The following LYN variants were observed in gnomAD, a reference collection of about 807,000 sequenced individuals.
The protein encoded by LYN is LYN proto-oncogene, Src family tyrosine kinase.
A neutral mutation model predicts 65.0 loss-of-function variants in LYN; 12 were observed. The ratio of observed to expected loss-of-function variants is 0.18; its 90% CI spans 0.12 to 0.30. LYN has a LOEUF of 0.30. Among genes scored for constraint, LYN ranks in the 10% least tolerant of loss-of-function variants. The pLI, the probability that LYN is intolerant of heterozygous loss-of-function variation, is 1.00. For missense variants in LYN, 380 were observed against 623.2 expected (o/e 0.61, Z 4.16); for synonymous variants, 222 against 221.2 (o/e 1.00, Z -0.03).
intron 12 of LYN, among the ~76,000 whole-genome samples, chr8:56,001,909 A>C (rs1457669169): frequency 3.3e-5 from 5 of 152,156 alleles, no homozygotes; most frequent in Admixed American, 2.6e-4. Context: ...CCCCAGATCC[A>C]TGTGCCTCCC....
chr8:55,973,615 T>C (rs536431592), intron 10 of LYN, among the ~76,000 whole-genome samples: 27 of 152,286 alleles, frequency 1.8e-4, no homozygotes, highest in South Asian at 6.2e-4. Flanking sequence ...CATGTCAAAC[T>C]GAGAGGAAAG....
At chr8:55,935,066 C>T (rs529991244) in intron 1 of LYN, among the ~76,000 whole-genome samples, 4 of 152,164 alleles carry the variant, frequency 2.6e-5, no homozygotes, top group African/African-American at 7.2e-5. Context: ...CTAGAGGTGA[C>T]GCCCACACCA....
At chr8:55,902,830 T>C (rs1331641439) in intron 1 of LYN, 1 of 491,710 alleles carries the variant, frequency 2.0e-6, no homozygotes, top group Non-Finnish European at 4.0e-6. Context: ...TGATCAACAG[T>C]GCCCATTCTC....
intron 12 of LYN, among the ~76,000 whole-genome samples, chr8:56,002,602 C>CT (rs1808547653): frequency 7.6e-6 from 1 of 131,584 alleles, no homozygotes; most frequent in African/African-American, 3.6e-5. Context: ...GACTCCATCT[C>CT]AAAAATTAAA....
intron 1 of LYN, among the ~76,000 whole-genome samples, chr8:55,934,304 C>T (rs1391420096): frequency 6.6e-6 from 1 of 152,236 alleles, no homozygotes; most frequent in African/African-American, 2.4e-5. Context: ...CTTAAGTTTG[C>T]CAACAGGGTT....
chr8:55,978,018 C>T (rs1807805985), intron 10 of LYN, among the ~76,000 whole-genome samples: 1 of 152,186 alleles, frequency 6.6e-6, no homozygotes, highest in Non-Finnish European at 1.5e-5. Flanking sequence ...GAGCTAGATT[C>T]TCAGGCCCTC....
chr8:55,953,951 C>A lies in LYN; in HGVS notation c.757C>A (p.Leu253Ile). Reference sequence around the variant, plus strand: ...GGAGTCCATCAAGTTGGTGAAAAGGCTTGGCGCTGGGCAGTTTGGGGAAGT... The same window carrying A: ...GGAGTCCATCAAGTTGGTGAAAAGGATTGGCGCTGGGCAGTTTGGGGAAGT... ...PRESIKLVKRLGAGQFGEVWM... is the reference protein window; with the variant it reads ...PRESIKLVKRIGAGQFGEVWM... Residue 253 changes from leucine (L) to isoleucine (I), a missense_variant, in exon 8 of 13, where the codon CTT (leucine) becomes ATT (isoleucine). Transcript: ENST00000519728. 1 of 1,614,108 alleles carries A rather than the reference C, an allele frequency of 6.2e-7. No homozygotes were observed. Among genetic ancestry groups the A allele is most frequent in the Non-Finnish European group, 8.5e-7 (1 of 1,180,018 alleles).
chr8:55,918,812 G>C (rs943773661), intron 1 of LYN, among the ~76,000 whole-genome samples: 2 of 152,102 alleles, frequency 1.3e-5, no homozygotes, highest in Non-Finnish European at 2.9e-5. Context: ...GATTCTGATC[G>C]GGTCCTGATG....
At chr8:55,953,479 T>C (rs899032509) in intron 7 of LYN, among the ~76,000 whole-genome samples, 2 of 152,190 alleles carry the variant, frequency 1.3e-5, no homozygotes, top group African/African-American at 4.8e-5. Context: ...AAATTCTGTC[T>C]CTACTAAAAA....
intron 1 of LYN, among the ~76,000 whole-genome samples, chr8:55,915,179 A>G (rs1021301558): frequency 6.6e-6 from 1 of 152,004 alleles, no homozygotes; most frequent in African/African-American, 2.4e-5. Context: ...CAGCTGTCCA[A>G]CCTCTCTGGC....
intron 1 of LYN, chr8:55,893,648 C>G (rs1260480596): frequency 6.6e-6 from 1 of 152,224 alleles, no homozygotes; most frequent in Non-Finnish European, 1.5e-5. Context: ...TTCTTGGATA[C>G]TCACTACTCA....
intron 9 of LYN, 93 bp from the exon 10 acceptor site, chr8:55,969,624 A>G (rs1027987): frequency 0.42 from 392,583 of 930,604 alleles, 85,906 homozygotes; most frequent in Middle Eastern, 0.54. Context: ...TTTTGTGGGG[A>G]GTTCCCCTGT....
In LYN at chr8:55,966,911, A is replaced by G. The variant is rs200529569; in HGVS notation, c.973+14A>G. ...ACATGGCCAAGGGTGAGTTCCTCCCACTGCCCAGAGCTTGCAAGGGCTTCA... is the reference window on the plus strand; with the variant it reads ...ACATGGCCAAGGGTGAGTTCCTCCCGCTGCCCAGAGCTTGCAAGGGCTTCA... On this transcript the variant is annotated intron_variant, in intron 9 of 12. Transcript: ENST00000519728. 147 of 1,610,572 alleles carry G rather than the reference A, an allele frequency of 9.1e-5. No homozygotes were observed. In the East Asian group the frequency reaches 3.1e-3, roughly 34 times the overall value.
chr8:55,937,894 A>T (rs904903544), intron 1 of LYN, among the ~76,000 whole-genome samples: 1 of 152,084 alleles, frequency 6.6e-6, no homozygotes, highest in African/African-American at 2.4e-5. Flanking sequence ...ACAGAGTTTC[A>T]TCATGTTGGC....
Position 55,995,895 on chromosome 8 carries a change from C to CT in LYN, c.1051-2450dup, listed in dbSNP as rs1808361622. On this transcript the variant is annotated intron_variant, in intron 10 of 12. Transcript: ENST00000519728. The stretch of plus-strand genomic sequence containing the variant: ...GTCTTTGAGACTGATGTAGGCCACA[C>CT]TGATTATTTTACTTGAGATTTTTGT... Among the ~76,000 whole-genome samples, 3 of 152,270 alleles carry CT rather than the reference C, an allele frequency of 2.0e-5. No homozygotes were observed. In the South Asian group the frequency reaches 6.2e-4, roughly 32 times the overall value.
At chr8:55,957,701 G>A (rs1451260974) in intron 8 of LYN, among the ~76,000 whole-genome samples, 1 of 152,192 alleles carries the variant, frequency 6.6e-6, no homozygotes, top group South Asian at 2.1e-4. Flanking sequence ...CTGGCACTTC[G>A]GGAGGCCGAG....
chr8:55,956,841 A>G (rs1807131208), intron 8 of LYN, among the ~76,000 whole-genome samples: 1 of 152,212 alleles, frequency 6.6e-6, no homozygotes, highest in South Asian at 2.1e-4. Context: ...CTCTTAGTCC[A>G]TCTGAGTACT....
At chr8:55,971,268 T>C (rs549298063) in intron 10 of LYN, among the ~76,000 whole-genome samples, 1 of 152,332 alleles carries the variant, frequency 6.6e-6, no homozygotes, top group East Asian at 1.9e-4. Context: ...GGAGGCTCCA[T>C]GGGATTCCAA....
intron 10 of LYN, among the ~76,000 whole-genome samples, chr8:55,981,423 G>A (rs1389498793): frequency 6.6e-6 from 1 of 151,964 alleles, no homozygotes; most frequent in Non-Finnish European, 1.5e-5. Flanking sequence ...CTTAAAATGG[G>A]GATTGACTAT....
Sources: gnomAD v4.1 joint callset for allele counts (sites outside exome capture counted in the v4.1 genomes callset) on GRCh38, gnomAD v4.1.1 for gene constraint, MANE v1.5 for transcripts, NCBI Gene and HGNC (gene_info 2026-07-23, HGNC 2026-07-21) for gene names.